Variants in VASN observed in about 807,000 individuals in gnomAD.
The protein encoded by VASN is vasorin.
Under a neutral mutation model 4.8 loss-of-function variants are expected in VASN, and 5 were observed. The ratio of observed to expected loss-of-function variants is 1.03; its 90% CI spans 0.54 to 2.17. VASN has a LOEUF of 2.17. Among genes scored for constraint, VASN ranks in the 30% most tolerant of loss-of-function variants. The pLI, the probability that VASN is intolerant of heterozygous loss-of-function variation, is 0.01. For missense variants in VASN, 927 were observed against 948.8 expected (o/e 0.98, Z 0.30); for synonymous variants, 499 against 460.8 (o/e 1.08, Z -1.06).
intron 1 of VASN, among the ~76,000 whole-genome samples, chr16:4,376,259 G>A (rs1228412640): frequency 2.6e-5 from 4 of 152,184 alleles, no homozygotes; most frequent in South Asian, 4.1e-4. Flanking sequence ...GAGCCTCCTC[G>A]GACACGTCAG....
rs1025755924 is a variant in VASN at position 4,381,593 on chromosome 16, G to C, written c.716G>C (p.Arg239Pro). The change falls in exon 2 of 2, where the codon CGG (arginine) becomes CCG (proline). Residue 239 changes from arginine to proline, a missense_variant. Coordinates refer to ENST00000304735, the MANE Select transcript of VASN (RefSeq NM_138440.3). ...GTGCCACCTGTGATCCGAGGCCTCC[G>C]GGGCCTGACGCGCCTGCGGCTGGCC... ...ERVPPVIRGL[R>P]GLTRLRLAGN... 1.2e-6 allele frequency: 2 copies of C among 1,600,958 alleles called. No homozygotes were observed. The highest frequency in any genetic ancestry group is 1.7e-6 in the Non-Finnish European group (2 of 1,174,410).
Position 4,382,122 on chromosome 16 carries a change from C to T in VASN, c.1245C>T (p.Leu415=), listed in dbSNP as rs756476597. 3.3e-5 allele frequency: 53 copies of T among 1,588,496 alleles called. No homozygotes were observed. The Middle Eastern group carries it at 8.3e-4, about 25-fold the overall frequency. The change falls in exon 2 of 2, where the codon CTC becomes CTT. Residue 415 remains leucine, a synonymous_variant. Coordinates refer to ENST00000304735, the MANE Select transcript of VASN (RefSeq NM_138440.3). Reference sequence around the variant, plus strand: ...AGGACTGCCCACCGTCCACCTGCCTCAATGGGGGCACATGCCACCTGGGGA... The same window carrying T: ...AGGACTGCCCACCGTCCACCTGCCTTAATGGGGGCACATGCCACCTGGGGA... ...QPQDCPPSTC[L]NGGTCHLGTR...
intron 1 of VASN, among the ~76,000 whole-genome samples, chr16:4,374,260 C>T (rs537951005): frequency 4.6e-5 from 7 of 152,266 alleles, no homozygotes; most frequent in East Asian, 3.9e-4. Flanking sequence ...TTCCTTTTAT[C>T]GGTTTCCACA....
At chr16:4,378,328 C>T (rs564532545) in intron 1 of VASN, among the ~76,000 whole-genome samples, 8 of 152,226 alleles carry the variant, frequency 5.3e-5, no homozygotes, top group South Asian at 4.1e-4. Context: ...AGGGGAGCTG[C>T]GGCCACAGTG....
Sources: allele counts gnomAD v4.1 joint callset (sites outside exome capture counted in the v4.1 genomes callset), GRCh38; gene constraint gnomAD v4.1.1; transcripts MANE v1.5; gene names NCBI Gene and HGNC (gene_info 2026-07-23, HGNC 2026-07-21).